Variants in RALGAPA1 observed in about 807,000 individuals in gnomAD.
RALGAPA1 encodes the protein ral GTPase-activating protein subunit alpha-1.
Under a neutral mutation model 269.6 loss-of-function variants are expected in RALGAPA1, and 52 were observed. That is an observed-to-expected ratio of 0.19 (90% CI 0.15 to 0.24). RALGAPA1 has a LOEUF of 0.24. Among genes scored for constraint, RALGAPA1 ranks in the 10% least tolerant of loss-of-function variants. RALGAPA1 has a pLI of 1.00. For missense variants in RALGAPA1, 1,917 were observed against 3,013.9 expected, an observed-to-expected ratio of 0.64 and a Z score of 8.52; for synonymous variants, 817 against 1,008.3, an observed-to-expected ratio of 0.81 and a Z score of 3.60.
chr14:35,605,585 C>T lies in RALGAPA1; in HGVS notation c.7053+1G>A. The T allele has an allele frequency of 6.3e-7, 1 of 1,580,902 alleles. No homozygotes were observed. Among genetic ancestry groups the T allele is most frequent in the Non-Finnish European group, 8.5e-7 (1 of 1,169,746 alleles). The stretch of plus-strand genomic sequence containing the variant: ...TATTTCGTATAATTTAAAAATAATA[C>T]CTCCCAACCAAGACCAGCTACAAAA... On this transcript the variant is annotated splice_donor_variant, in intron 36 of 41. Coordinates refer to ENST00000680220, the MANE Select transcript of RALGAPA1 (RefSeq NM_001346249.2). LOFTEE classifies it high-confidence loss of function.
At chr14:35,804,716 T>G (rs777554206) in intron 1 of RALGAPA1, among the ~76,000 whole-genome samples, 1 of 151,734 alleles carries the variant, frequency 6.6e-6, no homozygotes, top group South Asian at 2.1e-4. Context: ...GGAGGATTGC[T>G]TGAGTCCAGG....
intron 39 of RALGAPA1, among the ~76,000 whole-genome samples, chr14:35,569,454 T>C (rs1008397159): frequency 1.3e-5 from 2 of 152,206 alleles, no homozygotes; most frequent in South Asian, 2.1e-4. Context: ...TTAGTTGTCA[T>C]AACACCATGA....
chr14:35,742,424 T>C lies in RALGAPA1; in HGVS notation c.1393A>G (p.Ile465Val), dbSNP rs756349497. 10 of 1,606,502 alleles carry C rather than the reference T, an allele frequency of 6.2e-6. No individual in the cohort carries two copies. Among genetic ancestry groups the C allele is most frequent in the South Asian group, 1.1e-5 (1 of 90,574 alleles). Residue 465 changes from isoleucine (I) to valine (V), a missense_variant, in exon 11 of 42, where the codon ATT (isoleucine) becomes GTT (valine). Ile to Val is a conservative substitution (Grantham distance 29). Coordinates refer to ENST00000680220, the MANE Select transcript of RALGAPA1 (RefSeq NM_001346249.2). ...ATATCATGGTCTGTGACATTTTCAA[T>C]GCAAGGGAGGTCTGAAGAAGTGATC... ...IVITSSDLPC[I>V]ENVTDHDISM... is the part of the protein sequence containing the mutation.
intron 37 of RALGAPA1, among the ~76,000 whole-genome samples, chr14:35,575,103 G>A (rs2057460105): frequency 6.8e-6 from 1 of 147,988 alleles, no homozygotes; most frequent in African/African-American, 2.5e-5. Context: ...ACTCCAGCCT[G>A]TGCGACACAG....
chr14:35,611,642 G>A (rs973484000), intron 35 of RALGAPA1, among the ~76,000 whole-genome samples: 1 of 151,996 alleles, frequency 6.6e-6, no homozygotes, highest in South Asian at 2.1e-4. Flanking sequence ...AGGTGAGGTG[G>A]GAGGATCACT....
intron 39 of RALGAPA1, among the ~76,000 whole-genome samples, chr14:35,565,327 T>C (rs2056604046): frequency 1.3e-5 from 2 of 149,758 alleles, no homozygotes; most frequent in East Asian, 3.9e-4. Context: ...TATTTTATAA[T>C]ATTAATATAA....
At chr14:35,704,655 G>T (rs751344815) in intron 16 of RALGAPA1, among the ~76,000 whole-genome samples, 2 of 152,090 alleles carry the variant, frequency 1.3e-5, no homozygotes, top group Admixed American at 6.5e-5. Context: ...TTCATGAATT[G>T]TAAGGACATA....
intron 36 of RALGAPA1, among the ~76,000 whole-genome samples, chr14:35,605,150 A>G (rs2059521211): frequency 6.6e-6 from 1 of 152,148 alleles, no homozygotes; most frequent in Non-Finnish European, 1.5e-5. Flanking sequence ...CTTTTCTTTT[A>G]CAAAGTAAAT....
intron 16 of RALGAPA1, among the ~76,000 whole-genome samples, chr14:35,713,223 T>C (rs190034249): frequency 8.7e-4 from 133 of 152,286 alleles, no homozygotes; most frequent in African/African-American, 3.1e-3. Flanking sequence ...TGGACCAAGA[T>C]AGCAGCAGTG....
intron 1 of RALGAPA1, among the ~76,000 whole-genome samples, chr14:35,805,943 C>T (rs899215908): frequency 1.3e-5 from 2 of 152,054 alleles, no homozygotes; most frequent in African/African-American, 4.8e-5. Context: ...CCACCTCGGC[C>T]TCCCCAAGTC....
At position 35,688,875 on chromosome 14, in the gene RALGAPA1, C is replaced by T. The variant is rs991848600; in HGVS notation, c.3536G>A (p.Arg1179Gln). 9 of 1,280,552 alleles carry T rather than the reference C, an allele frequency of 7.0e-6. No individual in the cohort carries two copies. The highest frequency in any genetic ancestry group is 8.9e-6 in the Non-Finnish European group (9 of 1,016,326). 79.3% of individuals were successfully genotyped at this position (1,280,552 alleles called of 1,614,324 possible). A position where few individuals can be genotyped will look rare whatever the true frequency, so the allele number is the denominator to read the frequency against. ...ACCACTACTAAAGCCACCGAGCTTCCGCAGTCTCATCTTCCATGGAGCCTC... is the reference window on the plus strand; with the variant it reads ...ACCACTACTAAAGCCACCGAGCTTCTGCAGTCTCATCTTCCATGGAGCCTC... The part of the protein sequence containing the change: ...NKEAPWKMRL[R>Q]KLGGFSSGSS... Residue 1179 changes from arginine (R) to glutamine (Q), a missense_variant, in exon 18 of 42, where the codon CGG becomes CAG. By Grantham distance (43) the Arg-to-Gln change is conservative. Transcript: ENST00000680220.
chr14:35,679,946 A>G (rs748249645), intron 21 of RALGAPA1, among the ~76,000 whole-genome samples: 2 of 152,086 alleles, frequency 1.3e-5, no homozygotes, highest in African/African-American at 4.8e-5. Flanking sequence ...TTTATTTGAG[A>G]TTTGGAGTAA....
At chr14:35,673,807 C>G (rs925217028) in intron 24 of RALGAPA1, among the ~76,000 whole-genome samples, 12 of 152,090 alleles carry the variant, frequency 7.9e-5, no homozygotes, top group Admixed American at 7.9e-4. Context: ...GTCTCAAACT[C>G]CTGACCTCAT....
intron 10 of RALGAPA1, among the ~76,000 whole-genome samples, chr14:35,744,456 C>T (rs2071862846): frequency 6.6e-6 from 1 of 151,398 alleles, no homozygotes; most frequent in Admixed American, 6.6e-5. Flanking sequence ...AAATCACAAA[C>T]CCTTTATCTA....
chr14:35,647,466 G>A (rs1048956914), intron 31 of RALGAPA1, among the ~76,000 whole-genome samples: 3 of 152,118 alleles, frequency 2.0e-5, no homozygotes, highest in African/African-American at 7.2e-5. Context: ...AGAGTTCCTA[G>A]AGAAATAATA....
At chr14:35,787,525 T>A (rs1400047102) in intron 1 of RALGAPA1, among the ~76,000 whole-genome samples, 1 of 152,210 alleles carries the variant, frequency 6.6e-6, no homozygotes, top group Non-Finnish European at 1.5e-5. Context: ...ATTCCTTGCA[T>A]TTTTTGAAAT....
chr14:35,805,745 C>T (rs963391139), intron 1 of RALGAPA1, among the ~76,000 whole-genome samples: 29 of 148,440 alleles, frequency 2.0e-4, no homozygotes, highest in Non-Finnish European at 3.1e-4. Context: ...AGTGCAGTAG[C>T]GTGATCTCGA....
chr14:35,555,106 C>T (rs934052538), intron 39 of RALGAPA1, among the ~76,000 whole-genome samples: 1 of 152,096 alleles, frequency 6.6e-6, no homozygotes, highest in Non-Finnish European at 1.5e-5. Context: ...CTTGATCTTG[C>T]TGGCCCTCTC....
intron 39 of RALGAPA1, among the ~76,000 whole-genome samples, chr14:35,557,300 GAAAA>G (rs66542011): frequency 1.8e-5 from 2 of 113,082 alleles, no homozygotes; most frequent in African/African-American, 2.8e-5. Context: ...ACTGCAAAAA[GAAAA>G]AAAAAAAAAA....
Sources: allele counts gnomAD v4.1 joint callset (sites outside exome capture counted in the v4.1 genomes callset), GRCh38; gene constraint gnomAD v4.1.1; transcripts MANE v1.5; gene names NCBI Gene and HGNC (gene_info 2026-07-23, HGNC 2026-07-21).